TRIM6: variants seen among roughly 807,000 people sequenced by gnomAD.
TRIM6 encodes tripartite motif-containing protein 6.
Under a neutral mutation model 51.2 loss-of-function variants are expected in TRIM6, and 43 were observed. The observed-to-expected ratio is 0.84, with a 90% confidence interval of 0.66 to 1.08. The LOEUF is 1.08. Ranked by LOEUF, TRIM6 falls within the 50% of genes least tolerant of loss-of-function variation. The pLI is 0.00. For synonymous variants in TRIM6, 215 were observed against 232.4 expected, an observed-to-expected ratio of 0.93 and a Z score of 0.68; for missense variants, 669 against 619.0, an observed-to-expected ratio of 1.08 and a Z score of -0.86.
At chr11:5,605,254 C>G in intron 3 of TRIM6, 83 bp from the exon 4 acceptor site, 1 of 1,595,410 alleles carries the variant, frequency 6.3e-7, no homozygotes, top group Non-Finnish European at 8.6e-7. Flanking sequence ...GAAAGCAGTC[C>G]TGAGCCCAAC....
Position 5,605,507 on chromosome 11 carries a change from G to A in TRIM6, c.774G>A (p.Leu258=). 6.2e-7 allele frequency: 1 copy of A among 1,614,184 alleles called. No individual in the cohort carries two copies. Among genetic ancestry groups the A allele is most frequent in the Non-Finnish European group, 8.5e-7 (1 of 1,180,044 alleles). The change falls in exon 4 of 8, where the codon CTG becomes CTA. Residue 258 remains leucine (L), a synonymous_variant. Transcript: ENST00000380097. Reference sequence around the variant, plus strand: ...ATCTGGTCCACCAGACCCAGTCGCTGCGAGAGCTCATCTCGGATCTGGAGC... The same window carrying A: ...ATCTGGTCCACCAGACCCAGTCGCTACGAGAGCTCATCTCGGATCTGGAGC... ...ENDLVHQTQS[L]RELISDLERR... is the part of the protein sequence containing the mutation.
chr11:5,597,734 G>C (rs953426931), intron 1 of TRIM6, among the ~76,000 whole-genome samples: 1 of 152,084 alleles, frequency 6.6e-6, no homozygotes, highest in African/African-American at 2.4e-5. Flanking sequence ...TATTCTGAAA[G>C]CCATTTTGAT....
chr11:5,596,740 C>G lies in TRIM6; in HGVS notation c.-158C>G. ...GAGGGATCCCCTGCCTTTCTCGGAA[C>G]GGAACGGAGCAGAGTCGTGCGTGGT... On this transcript the variant is annotated 5_prime_UTR_variant, in exon 1 of 8. Coordinates refer to ENST00000380097, the MANE Select transcript of TRIM6 (RefSeq NM_001003818.3). 1.7e-6 allele frequency: 2 copies of G among 1,142,894 alleles called. No homozygotes were observed. The highest frequency in any genetic ancestry group is 2.2e-5 in the Admixed American group (1 of 45,404). The allele number at this position is 1,142,894 out of a possible 1,614,324, so 70.8% of individuals were successfully genotyped here.
rs1847493057 is a variant in TRIM6 at position 5,596,808 on chromosome 11, G to T, written c.-90G>T. The T allele has an allele frequency of 6.2e-7, 1 of 1,600,934 alleles. No homozygotes were observed. Among genetic ancestry groups the T allele is most frequent in the Non-Finnish European group, 8.6e-7 (1 of 1,169,040 alleles). The stretch of plus-strand genomic sequence containing the variant: ...CGAGTGAGCGCGCTCTGTTCCTTAA[G>T]ATTAGTTTAAGGTGCCTTGGATTGC... On this transcript the variant is annotated 5_prime_UTR_variant, in exon 1 of 8. Coordinates refer to ENST00000380097, the MANE Select transcript of TRIM6 (RefSeq NM_001003818.3).
chr11:5,599,575 T>C (rs1301609329), intron 1 of TRIM6, among the ~76,000 whole-genome samples: 3 of 152,044 alleles, frequency 2.0e-5, no homozygotes, highest in Non-Finnish European at 2.9e-5. Context: ...AGCTAAATTT[T>C]TGTATTTTTA....
chr11:5,606,951 C>G (rs1366768389), intron 4 of TRIM6, among the ~76,000 whole-genome samples: 1 of 152,212 alleles, frequency 6.6e-6, no homozygotes, highest in South Asian at 2.1e-4. Flanking sequence ...CGCCTGTAAT[C>G]CCAGCACTTT....
At chr11:5,603,781 G>C (rs749262902) in intron 2 of TRIM6, 46 bp downstream of exon 2, 7 of 1,597,656 alleles carry the variant, frequency 4.4e-6, no homozygotes, top group Non-Finnish European at 6.0e-6. Context: ...AGGGTCTTTG[G>C]CAGGTTTTAA....
chr11:5,611,342 A>G lies in TRIM6; in HGVS notation c.1551A>G (p.Ter517TrpextTer19), dbSNP rs781168276. The G allele has an allele frequency of 1.2e-6, 2 of 1,610,414 alleles. No individual in the cohort carries two copies. The highest frequency in any genetic ancestry group is 4.5e-5 in the East Asian group (2 of 44,856). The change falls in exon 8 of 8, where the codon TGA becomes TGG. Residue 517 changes from the stop codon to tryptophan, a stop_lost. Coordinates refer to ENST00000380097, the MANE Select transcript of TRIM6 (RefSeq NM_001003818.3). ...TGACCCTGCGTCGTCCAAGCTCTTG[A>G]ATATTCTTCTGTTCCCACCCACTTC... is the stretch of plus-strand genomic sequence containing the variant. Reference protein sequence around the residue: ...IPMTLRRPSS* With the variant: ...IPMTLRRPSSW
At position 5,603,652 on chromosome 11, in the gene TRIM6, G is replaced by T. The variant is rs559162909; in HGVS notation, c.424G>T (p.Val142Phe). The change falls in exon 2 of 8, where the codon GTC becomes TTC. Residue 142 changes from valine to phenylalanine, a missense_variant. Physicochemically the swap from Val to Phe is conservative, Grantham distance 50 (BLOSUM62 -1). Transcript: ENST00000380097. ...GCTCTTCTGTCAGGAGGATGGGAAG[G>T]TCATTTGCTGGCTTTGTGAGCGGTC... Reference protein sequence around the residue: ...LQLFCQEDGKVICWLCERSQE... With the variant: ...LQLFCQEDGKFICWLCERSQE... 2 of 1,613,440 alleles carry T rather than the reference G, an allele frequency of 1.2e-6. No homozygotes were observed. The highest frequency in any genetic ancestry group is 1.3e-5 in the African/African-American group (1 of 74,864).
At chr11:5,599,909 G>T (rs1847731657) in intron 1 of TRIM6, among the ~76,000 whole-genome samples, 1 of 152,086 alleles carries the variant, frequency 6.6e-6, no homozygotes, top group Non-Finnish European at 1.5e-5. Flanking sequence ...TGCCTCTAGA[G>T]CCTCTATTGC....
At position 5,610,198 on chromosome 11, in the gene TRIM6, G is replaced by T. The variant is rs756720514; in HGVS notation, c.911G>T (p.Ser304Ile). 15 of 1,614,030 alleles carry T rather than the reference G, an allele frequency of 9.3e-6. No homozygotes were observed. Among genetic ancestry groups the T allele is most frequent in the Non-Finnish European group, 1.2e-5 (14 of 1,180,038 alleles). ...GAAGCTCTCCCTACAAAGCTGAGAA[G>T]TATGTTCCGAGCCCCAGATCTGAAA... ...KPEALPTKLR[S>I]MFRAPDLKRM... Residue 304 changes from serine to isoleucine, a missense_variant, in exon 6 of 8, where the codon AGT (serine) becomes ATT (isoleucine). Transcript: ENST00000380097.
chr11:5,597,461 G>A (rs1847540835), intron 1 of TRIM6, among the ~76,000 whole-genome samples: 1 of 152,098 alleles, frequency 6.6e-6, no homozygotes, highest in Non-Finnish European at 1.5e-5. Context: ...AACTGATTAT[G>A]TTCCAATTCA....
intron 4 of TRIM6, among the ~76,000 whole-genome samples, chr11:5,606,840 C>G (rs1210503886): frequency 1.3e-5 from 2 of 152,200 alleles, no homozygotes; most frequent in Admixed American, 6.5e-5. Flanking sequence ...AATAAACTTT[C>G]TGGAATTTTC....
In TRIM6 at chr11:5,610,958, G is replaced by A. The variant is rs1326090695; in HGVS notation, c.1167G>A (p.Val389=). The A allele has an allele frequency of 2.5e-6, 4 of 1,614,002 alleles. No individual in the cohort carries two copies. Among genetic ancestry groups the A allele is most frequent in the Non-Finnish European group, 3.4e-6 (4 of 1,180,038 alleles). ...SSGKHYWEVD[V]AKKTAWILGV... ...GTAAGCATTACTGGGAGGTAGATGT[G>A]GCCAAGAAGACTGCCTGGATCCTGG... The change falls in exon 8 of 8, where the codon GTG becomes GTA. Residue 389 remains valine (V), a synonymous_variant. Coordinates refer to ENST00000380097, the MANE Select transcript of TRIM6 (RefSeq NM_001003818.3).
chr11:5,605,905 G>A (rs567331759), intron 4 of TRIM6, among the ~76,000 whole-genome samples: 27 of 152,230 alleles, frequency 1.8e-4, no homozygotes, highest in Admixed American at 3.3e-4. Context: ...TCTTTGCTGC[G>A]TGGGGTTCTC....
chr11:5,608,634 A>G (rs1848368905), intron 5 of TRIM6, among the ~76,000 whole-genome samples: 2 of 151,988 alleles, frequency 1.3e-5, no homozygotes, highest in South Asian at 4.1e-4. Flanking sequence ...TAGAATAAAG[A>G]GTTGCAGTAT....
rs754914911 is a variant in TRIM6, at chr11:5,596,863, T to C, written c.-35T>C. 6.2e-7 allele frequency: 1 copy of C among 1,613,882 alleles called. No homozygotes were observed. Among genetic ancestry groups the C allele is most frequent in the Non-Finnish European group, 8.5e-7 (1 of 1,179,926 alleles). On this transcript the variant is annotated 5_prime_UTR_variant, in exon 1 of 8. Coordinates refer to ENST00000380097, the MANE Select transcript of TRIM6 (RefSeq NM_001003818.3). Reference sequence around the variant, plus strand: ...AAGAGCTTTGACCACCTGATATTGCTTACATCTGGAACTTCTTGGCTTCTC... The same window carrying C: ...AAGAGCTTTGACCACCTGATATTGCCTACATCTGGAACTTCTTGGCTTCTC...
intron 4 of TRIM6, 79 bp from the exon 5 acceptor site, chr11:5,608,293 G>A (rs767781893): frequency 1.1e-5 from 17 of 1,592,148 alleles, no homozygotes; most frequent in Non-Finnish European, 1.4e-5. Flanking sequence ...ATATCATGGG[G>A]TAGGGGACAT....
intron 4 of TRIM6, among the ~76,000 whole-genome samples, chr11:5,605,970 G>T (rs893256854): frequency 2.0e-5 from 3 of 152,144 alleles, no homozygotes; most frequent in African/African-American, 7.2e-5. Flanking sequence ...CTAGATGTCA[G>T]CAGCACCACC....
Sources: allele counts gnomAD v4.1 joint callset (sites outside exome capture counted in the v4.1 genomes callset), GRCh38; gene constraint gnomAD v4.1.1; transcripts MANE v1.5; gene names NCBI Gene and HGNC (gene_info 2026-07-23, HGNC 2026-07-21).